TMEM120A: variants seen among roughly 807,000 people sequenced by gnomAD.
TMEM120A encodes ion channel TACAN.
Under a neutral mutation model 54.3 loss-of-function variants are expected in TMEM120A, and 45 were observed. The observed-to-expected ratio is 0.83, with a 90% CI of 0.65 to 1.06. The LOEUF (loss-of-function observed/expected upper bound fraction) is 1.06. TMEM120A is among the 50% of genes least tolerant of loss of function. The probability of loss-of-function intolerance (pLI) is 0.00; values close to 1 mark genes in which losing one functional copy is unlikely to be tolerated. For synonymous variants in TMEM120A, 204 were observed against 178.5 expected (o/e 1.14, Z -1.14); for missense variants, 424 against 441.7 (o/e 0.96, Z 0.36).
At position 75,987,969 on chromosome 7, in the gene TMEM120A, CAT is replaced by C; in HGVS notation, c.643_644del (p.Met215ValfsTer74). The C allele has an allele frequency of 6.2e-7, 1 of 1,602,070 alleles. No individual in the cohort carries two copies. The highest frequency in any genetic ancestry group is 8.5e-7 in the Non-Finnish European group (1 of 1,174,898). The stretch of plus-strand genomic sequence containing the variant: ...GGAATTGGTTCCGGAATTTCTGGTA[CAT>C]GAGACCGTCGGGCCTAAGGTAAAAA... ...GVMLTWPDGLMYQKFRNQFLS... is the reference protein window; with the variant it reads ...GVMLTWPDGLXYQKFRNQFLS... On this transcript the variant is annotated frameshift_variant, in exon 8 of 12. Transcript: ENST00000493111. LOFTEE classifies it high-confidence loss of function.
At position 75,988,485 on chromosome 7, in the gene TMEM120A, T is replaced by C. The variant is rs1554560793; in HGVS notation, c.409A>G (p.Lys137Glu). Residue 137 changes from lysine (K) to glutamate (E), a missense_variant, in exon 5 of 12, where the codon AAG becomes GAG. Coordinates refer to ENST00000493111, the MANE Select transcript of TMEM120A (RefSeq NM_031925.3). ...FAYKDEYEKF[K>E]LYLTIILILI... The stretch of plus-strand genomic sequence containing the variant: ...ATGAGGATGATGGTGAGGTAGAGCT[T>C]GAACTTCTCATACTCGTCCTTGTAG... The C allele has an allele frequency of 1.9e-6, 3 of 1,608,784 alleles. No individual in the cohort carries two copies. In the South Asian group the frequency reaches 3.3e-5, roughly 18 times the overall value.
chr7:75,987,411 G>A lies in TMEM120A; in HGVS notation c.867C>T (p.Asn289=), dbSNP rs782628083. 14 of 1,563,542 alleles carry A rather than the reference G, an allele frequency of 9.0e-6. No individual in the cohort carries two copies. The Admixed American group carries it at 9.5e-5, about 11-fold the overall frequency. ...LFFGHFWQLF[N]ALTLFNLAQD... ...GGGCCAGGTTGAACAACGTCAGCGC[G>A]TTAAAAAGCTGCCAGAACTAAGCAG... The change falls in exon 11 of 12, where the codon AAC becomes AAT. Residue 289 remains asparagine, a synonymous_variant. Coordinates refer to ENST00000493111, the MANE Select transcript of TMEM120A (RefSeq NM_031925.3).
rs1789596374 is a variant in TMEM120A, at chr7:75,987,828, C to T, written c.692-18G>A. The stretch of plus-strand genomic sequence containing the variant: ...CACGAAGCCTGGGCCGGGCGGAGGA[C>T]AGAGGAGCAGGGCTGAGCCCCGGGA... On this transcript the variant is annotated intron_variant, in intron 8 of 11. Coordinates refer to ENST00000493111, the MANE Select transcript of TMEM120A (RefSeq NM_031925.3). 3 of 1,609,078 alleles carry T rather than the reference C, an allele frequency of 1.9e-6. No individual in the cohort carries two copies. In the South Asian group the frequency reaches 3.3e-5, roughly 18 times the overall value.
At position 75,987,121 on chromosome 7, in the gene TMEM120A, C is replaced by T; in HGVS notation, c.*51G>A. On this transcript the variant is annotated 3_prime_UTR_variant, in exon 12 of 12. Transcript: ENST00000493111. ...TCGAGGGGCGCCTCCCATCCCCTCC[C>T]ACAACACACAGGACAGAAGCCCCTC... 6.7e-7 allele frequency: 1 copy of T among 1,488,038 alleles called. No individual in the cohort carries two copies. The highest frequency in any genetic ancestry group is 1.2e-5 in the South Asian group (1 of 83,144). The allele number at this position is 1,488,038 out of a possible 1,614,324, so 92.2% of individuals were successfully genotyped here.
rs781879855 is a variant in TMEM120A at position 75,987,504 on chromosome 7, GACA to G, written c.849+31_849+33del. 2.0e-5 allele frequency: 28 copies of G among 1,419,178 alleles called. 1 individual carries two copies. In the African/African-American group the frequency reaches 4.3e-4, roughly 22 times the overall value. 87.9% of individuals were successfully genotyped at this position (1,419,178 alleles called of 1,614,324 possible). ...CCGAAACCGGCGCAGAGGACGGACA[GACA>G]GACAGGCAGGGACACAGAGGCACGA... is the stretch of plus-strand genomic sequence containing the variant. On this transcript the variant is annotated intron_variant, in intron 10 of 11. Coordinates refer to ENST00000493111, the MANE Select transcript of TMEM120A (RefSeq NM_031925.3).
intron 3 of TMEM120A, 35 bp downstream of exon 3, chr7:75,992,109 T>C: frequency 6.7e-7 from 1 of 1,481,580 alleles, no homozygotes; most frequent in East Asian, 2.3e-5. Context: ...GGAGTGGCTG[T>C]GAACTGAGCT....
chr7:75,990,332 G>A (rs7788926), intron 3 of TMEM120A, among the ~76,000 whole-genome samples: 132,281 of 152,056 alleles, frequency 0.87, 57,740 homozygotes, highest in Non-Finnish European at 0.9. Context: ...GCACTGTGCC[G>A]GGAGCACTCC....
At chr7:75,994,396 G>T in intron 1 of TMEM120A, 94 bp downstream of exon 1, 4 of 1,179,288 alleles carry the variant, frequency 3.4e-6, no homozygotes, top group Non-Finnish European at 4.9e-6. Context: ...CTGACCCTTA[G>T]CTCCCCACTG....
chr7:75,988,293 G>GGTGCA lies in TMEM120A; in HGVS notation c.517_521dup (p.Leu175AlafsTer3). 1 of 1,612,230 alleles carries GGTGCA rather than the reference G, an allele frequency of 6.2e-7. No homozygotes were observed. Among genetic ancestry groups the GGTGCA allele is most frequent in the Non-Finnish European group, 8.5e-7 (1 of 1,179,884 alleles). Reference sequence around the variant, plus strand: ...TGAGGATGCTCTCCCGGATGGTCAGGGTGCAGTAGTACCAGACCAGCAGGA... The same window carrying GGTGCA: ...TGAGGATGCTCTCCCGGATGGTCAGGGTGCAGTGCAGTAGTACCAGACCAGCAGGA... On this transcript the variant is annotated frameshift_variant, in exon 6 of 12. Transcript: ENST00000493111. LOFTEE classifies it high-confidence loss of function.
Position 75,989,180 on chromosome 7 carries a change from A to G in TMEM120A, c.362T>C (p.Leu121Pro). 1.4e-6 allele frequency: 2 copies of G among 1,415,654 alleles called. No individual in the cohort carries two copies. The highest frequency in any genetic ancestry group is 1.2e-5 in the South Asian group (1 of 81,552). The allele number at this position is 1,415,654 out of a possible 1,614,324, so 87.7% of individuals were successfully genotyped here. A position where few individuals can be genotyped will look rare whatever the true frequency, so the allele number is the denominator to read the frequency against. The change falls in exon 4 of 12, where the codon CTG (leucine) becomes CCG (proline). Residue 121 changes from leucine (L) to proline (P), a missense_variant. Transcript: ENST00000493111. ...LVLGNVNVTL[L>P]SKQAKFAYKD... ...GCCTGATTACTTAGCCTGCTTGCTC[A>G]GGAGCGTGACGTTGACGTTCCCCAG...
intron 1 of TMEM120A, 114 bp downstream of exon 1, chr7:75,994,376 G>T: frequency 1.1e-6 from 1 of 929,394 alleles, no homozygotes; most frequent in Non-Finnish European, 1.6e-6. Context: ...TGACGCCAGG[G>T]CCCCGACCCC....
Position 75,988,156 on chromosome 7 carries a change from A to T in TMEM120A, c.564-8T>A. 1 of 1,610,918 alleles carries T rather than the reference A, an allele frequency of 6.2e-7. No individual in the cohort carries two copies. Among genetic ancestry groups the T allele is most frequent in the Non-Finnish European group, 8.5e-7 (1 of 1,179,162 alleles). On this transcript the variant is annotated splice_polypyrimidine_tract_variant and splice_region_variant and intron_variant, in intron 6 of 11. Transcript: ENST00000493111. ...ACCCACCAGCCTTTGATCCTGGAGC[A>T]GAGAGCCACCATCACCCCCAGCGCC...
rs781850222 is a variant in TMEM120A at position 75,988,157 on chromosome 7, G to A, written c.564-9C>T. 4 of 1,610,948 alleles carry A rather than the reference G, an allele frequency of 2.5e-6. No homozygotes were observed. Among genetic ancestry groups the A allele is most frequent in the East Asian group, 4.5e-5 (2 of 44,800 alleles). On this transcript the variant is annotated splice_polypyrimidine_tract_variant and intron_variant, in intron 6 of 11. Transcript: ENST00000493111. ...CCCACCAGCCTTTGATCCTGGAGCA[G>A]AGAGCCACCATCACCCCCAGCGCCT... is the stretch of plus-strand genomic sequence containing the variant.
In TMEM120A at chr7:75,987,299, A is replaced by G; in HGVS notation, c.919-14T>C. ...GCACATAAGCACCTGCCGGAGGAAT[A>G]GGGTGAGGGCTGGACATGGGCCTGG... On this transcript the variant is annotated splice_polypyrimidine_tract_variant and intron_variant, in intron 11 of 11. Transcript: ENST00000493111. 6.3e-7 allele frequency: 1 copy of G among 1,585,960 alleles called. No individual in the cohort carries two copies. Among genetic ancestry groups the G allele is most frequent in the Non-Finnish European group, 8.6e-7 (1 of 1,167,206 alleles).
Position 75,988,360 on chromosome 7 carries a change from G to A in TMEM120A, c.474-19C>T, listed in dbSNP as rs370994918. 3.4e-4 allele frequency: 551 copies of A among 1,611,010 alleles called. 2 individuals carry two copies. The Admixed American group carries it at 4.5e-3, about 13-fold the overall frequency. ...TGTCACCCTGCGGAGGGAGGGGACC[G>A]AGGGTTGGTACTGCAGCGACTGGGG... is the stretch of plus-strand genomic sequence containing the variant. On this transcript the variant is annotated intron_variant, in intron 5 of 11. Transcript: ENST00000493111.
chr7:75,992,335 G>A (rs1789875200), intron 2 of TMEM120A, 75 bp from the exon 3 acceptor site: 1 of 1,555,122 alleles, frequency 6.4e-7, no homozygotes. Context: ...GGGGCAGAAG[G>A]GCAAACAGGG....
At chr7:75,991,776 T>G (rs957514631) in intron 3 of TMEM120A, among the ~76,000 whole-genome samples, 18 of 151,774 alleles carry the variant, frequency 1.2e-4, no homozygotes, top group African/African-American at 4.4e-4. Context: ...AACTCCTGAG[T>G]TCAAGTGATC....
intron 7 of TMEM120A, 32 bp downstream of exon 7, chr7:75,988,051 G>C: frequency 6.3e-7 from 1 of 1,599,110 alleles, no homozygotes; most frequent in South Asian, 1.1e-5. Flanking sequence ...CCTTGTCCCA[G>C]CTCCTGCCCC....
intron 2 of TMEM120A, 40 bp downstream of exon 2, chr7:75,992,399 C>A: frequency 6.3e-7 from 1 of 1,584,422 alleles, no homozygotes; most frequent in Middle Eastern, 2.0e-4. Flanking sequence ...CCCTCCCACC[C>A]CACACTCTGC....
Sources: allele counts gnomAD v4.1 joint callset (sites outside exome capture counted in the v4.1 genomes callset), GRCh38; gene constraint gnomAD v4.1.1; transcripts MANE v1.5; gene names NCBI Gene and HGNC (gene_info 2026-07-23, HGNC 2026-07-21).